HELLS: variants seen among roughly 807,000 people sequenced by gnomAD.
HELLS encodes the protein lymphoid-specific helicase.
In HELLS, 32 loss-of-function variants were observed where a neutral mutation model predicts 120.0. The ratio of observed to expected loss-of-function variants is 0.27; its 90% CI spans 0.20 to 0.36. HELLS has a LOEUF of 0.36. Ranked by LOEUF, HELLS falls within the 10% of genes least tolerant of loss-of-function variation. The pLI is 1.00. For synonymous variants in HELLS, 341 were observed against 323.4 expected, an observed-to-expected ratio of 1.05 and a Z score of -0.58; for missense variants, 650 against 993.4, an observed-to-expected ratio of 0.65 and a Z score of 4.65.
chr10:94,570,108 T>A (rs1331332197), intron 6 of HELLS: 2 of 151,698 alleles, frequency 1.3e-5, no homozygotes, highest in Non-Finnish European at 2.9e-5. Flanking sequence ...AGTGGTGCCA[T>A]CTCGGCTCAT....
At chr10:94,606,314 T>C (rs1846128744), downstream of HELLS, among the ~76,000 whole-genome samples, 1 of 152,108 alleles carries the variant, frequency 6.6e-6, no homozygotes, top group Admixed American at 6.5e-5. Flanking sequence ...GAGGGTTTTG[T>C]CTTTTGAATG....
At chr10:94,574,828 T>C in intron 9 of HELLS, 92 bp downstream of exon 9, 1 of 936,482 alleles carries the variant, frequency 1.1e-6, no homozygotes. Context: ...CTCTTATAAT[T>C]ATATTGGTTT....
intron 2 of HELLS, among the ~76,000 whole-genome samples, chr10:94,550,280 G>A (rs1450363636): frequency 6.7e-6 from 1 of 149,648 alleles, no homozygotes; most frequent in East Asian, 2.0e-4. Flanking sequence ...GGTTTTTTTT[G>A]CTTGTTTGTT....
Position 94,588,345 on chromosome 10 carries a change from A to C in HELLS, c.1443A>C (p.Thr481=). ...CAAAGAAGCAGGAGATCTTTTATAC[A>C]GCCATTGTGAACCGTACAATTGCAA... ...PLSKKQEIFY[T]AIVNRTIANM... The change falls in exon 13 of 22, where the codon ACA becomes ACC. Residue 481 remains threonine (T), a synonymous_variant. Transcript: ENST00000348459. 6.2e-7 allele frequency: 1 copy of C among 1,612,514 alleles called. No individual in the cohort carries two copies. The highest frequency in any genetic ancestry group is 1.1e-5 in the South Asian group (1 of 90,718).
At chr10:94,574,378 C>G in intron 8 of HELLS, 176 bp from the exon 9 acceptor site, 5 of 694,718 alleles carry the variant, frequency 7.2e-6, no homozygotes, top group Non-Finnish European at 9.5e-6. Context: ...GCTTCCAGCA[C>G]TTTTATGGCT....
chr10:94,573,660 C>T (rs770854694), intron 7 of HELLS, among the ~76,000 whole-genome samples: 6 of 151,776 alleles, frequency 4.0e-5, no homozygotes, highest in African/African-American at 9.7e-5. Context: ...CACAGGGTTT[C>T]GCCATGTTGT....
intron 10 of HELLS, among the ~76,000 whole-genome samples, chr10:94,578,240 A>G (rs1034358354): frequency 6.6e-5 from 10 of 151,544 alleles, no homozygotes; most frequent in African/African-American, 2.4e-4. Flanking sequence ...TCAAAAAGAA[A>G]AAAAAATTTA....
intron 2 of HELLS, among the ~76,000 whole-genome samples, chr10:94,549,871 T>C (rs1379599958): frequency 6.6e-6 from 1 of 152,182 alleles, no homozygotes; most frequent in African/African-American, 2.4e-5. Flanking sequence ...ATATTAATTG[T>C]ATATTATTTT....
At chr10:94,606,237 C>G (rs758077693), downstream of HELLS, among the ~76,000 whole-genome samples, 9 of 151,882 alleles carry the variant, frequency 5.9e-5, no homozygotes, top group Non-Finnish European at 1.5e-5. Context: ...TTTTGTTTTA[C>G]TCTTGAATCA....
intron 10 of HELLS, among the ~76,000 whole-genome samples, chr10:94,580,148 TATATATATATATATACAC>T (rs1219352572): frequency 2.6e-4 from 15 of 57,118 alleles, no homozygotes; most frequent in African/African-American, 1.3e-3. Context: ...TATATATATA[TATATATATATATATACAC>T]ACACACACAC....
chr10:94,604,300 T>C (rs1846101916), downstream of HELLS, among the ~76,000 whole-genome samples: 1 of 152,040 alleles, frequency 6.6e-6, no homozygotes, highest in Admixed American at 6.6e-5. Flanking sequence ...AATTTTCTTA[T>C]TTTTAGTAGA....
At chr10:94,574,832 T>C (rs1254986159) in intron 9 of HELLS, 96 bp downstream of exon 9, 2 of 905,934 alleles carry the variant, frequency 2.2e-6, no homozygotes, top group African/African-American at 1.7e-5. Flanking sequence ...TATAATTATA[T>C]TGGTTTCTGT....
intron 2 of HELLS, among the ~76,000 whole-genome samples, chr10:94,551,761 A>G (rs948118193): frequency 6.7e-6 from 1 of 148,782 alleles, no homozygotes; most frequent in African/African-American, 2.5e-5. Context: ...TTTTTTTGAG[A>G]TGGAGTCTCG....
At chr10:94,598,618 T>G (rs1366405965) in intron 21 of HELLS, among the ~76,000 whole-genome samples, 1 of 151,892 alleles carries the variant, frequency 6.6e-6, no homozygotes, top group Non-Finnish European at 1.5e-5. Flanking sequence ...TTTTTTTTTT[T>G]TTTTTTTAAT....
At chr10:94,560,630 G>A (rs1843504641) in intron 4 of HELLS, among the ~76,000 whole-genome samples, 1 of 152,100 alleles carries the variant, frequency 6.6e-6, no homozygotes, top group Admixed American at 6.6e-5. Flanking sequence ...ACGGTAGGCA[G>A]AGGTTGCAGT....
intron 21 of HELLS, among the ~76,000 whole-genome samples, 195 bp from the exon 22 acceptor site, chr10:94,601,333 A>G (rs547710279): frequency 1.3e-5 from 2 of 152,294 alleles, no homozygotes; most frequent in African/African-American, 4.8e-5. Context: ...TAGTTGTTGT[A>G]TTAAGAATAG....
intron 9 of HELLS, among the ~76,000 whole-genome samples, chr10:94,608,923 A>G (rs12412970): frequency 6.6e-6 from 1 of 150,582 alleles, no homozygotes; most frequent in African/African-American, 2.5e-5. Flanking sequence ...AGCATAAGCT[A>G]CCGCACCCAG....
chr10:94,594,911 T>C, intron 19 of HELLS, 57 bp downstream of exon 19: 2 of 1,349,806 alleles, frequency 1.5e-6, no homozygotes, highest in Non-Finnish European at 2.1e-6. Flanking sequence ...GTGTTGTGGA[T>C]TTTGTTTTTA....
At position 94,565,097 on chromosome 10, in the gene HELLS, G is replaced by A. The variant is rs183936697; in HGVS notation, c.435+2221G>A. Among the ~76,000 whole-genome samples, 1,110 of 152,342 alleles carry A rather than the reference G, an allele frequency of 7.3e-3. 7 individuals carry two copies. The highest frequency in any genetic ancestry group is 0.011 in the Non-Finnish European group (750 of 68,028). ...CACGCCTGTAATCCCAGCATTTTGGGAGGCTGAGGCGGGTGGATCCCGTGA... is the reference window on the plus strand; with the variant it reads ...CACGCCTGTAATCCCAGCATTTTGGAAGGCTGAGGCGGGTGGATCCCGTGA... On this transcript the variant is annotated intron_variant, in intron 6 of 21. Transcript: ENST00000348459.
Sources: allele counts gnomAD v4.1 joint callset (sites outside exome capture counted in the v4.1 genomes callset), GRCh38; gene constraint gnomAD v4.1.1; transcripts MANE v1.5; gene names NCBI Gene and HGNC (gene_info 2026-07-23, HGNC 2026-07-21).